The following THSD4 variants were observed in gnomAD, a reference collection of about 807,000 sequenced individuals.
The protein encoded by THSD4 is thrombospondin type-1 domain-containing protein 4.
Under a neutral mutation model 119.0 loss-of-function variants are expected in THSD4, and 69 were observed. That is an observed-to-expected ratio of 0.58 (90% confidence interval 0.48 to 0.71). The LOEUF is 0.71. Ranked by LOEUF, THSD4 falls within the 30% of genes least tolerant of loss-of-function variation. The probability of loss-of-function intolerance (pLI) is 0.00; values close to 1 mark genes in which losing one functional copy is unlikely to be tolerated. For missense variants in THSD4, 1,393 were observed against 1,391.1 expected (o/e 1.00, Z -0.02); for synonymous variants, 524 against 540.4 (o/e 0.97, Z 0.42).
chr15:71,585,382 G>A (rs748046328), intron 7 of THSD4, among the ~76,000 whole-genome samples: 16 of 152,120 alleles, frequency 1.1e-4, no homozygotes, highest in Non-Finnish European at 2.2e-4. Context: ...TGTTCCTTTC[G>A]GCACTCTGAA....
At chr15:71,195,164 C>T (rs77866116) in intron 3 of THSD4, among the ~76,000 whole-genome samples, 186 of 152,210 alleles carry the variant, frequency 1.2e-3, no homozygotes, top group African/African-American at 4.1e-3. Context: ...ACTCAGTCTA[C>T]GGGAGACATT....
chr15:71,505,454 A>G (rs2048172743), intron 7 of THSD4, among the ~76,000 whole-genome samples: 1 of 152,224 alleles, frequency 6.6e-6, no homozygotes, highest in African/African-American at 2.4e-5. Flanking sequence ...AAAATTAGAT[A>G]TAGAAAAGGA....
chr15:71,396,403 A>G (rs1185886052), intron 6 of THSD4, among the ~76,000 whole-genome samples: 1 of 152,160 alleles, frequency 6.6e-6, no homozygotes, highest in Non-Finnish European at 1.5e-5. Flanking sequence ...TATTGCCTGC[A>G]GAGGTGCTAC....
At chr15:71,216,880 C>T (rs577883045) in intron 4 of THSD4, among the ~76,000 whole-genome samples, 1 of 152,298 alleles carries the variant, frequency 6.6e-6, no homozygotes, top group Admixed American at 6.5e-5. Context: ...TCACTGCAGC[C>T]TCCAACTCCG....
chr15:71,553,919 T>G (rs1330273151), intron 7 of THSD4, among the ~76,000 whole-genome samples: 1 of 152,130 alleles, frequency 6.6e-6, no homozygotes, highest in East Asian at 1.9e-4. Flanking sequence ...ATTTGATTTA[T>G]AAATATTTTA....
chr15:71,705,196 T>C (rs944283436), intron 8 of THSD4, among the ~76,000 whole-genome samples: 1 of 152,112 alleles, frequency 6.6e-6, no homozygotes, highest in Non-Finnish European at 1.5e-5. Context: ...GCCAGAGGGA[T>C]GGGCACCCGG....
At position 71,440,300 on chromosome 15, in the gene THSD4, A is replaced by G. The variant is rs542943510; in HGVS notation, c.1152+28477A>G. On this transcript the variant is annotated intron_variant, in intron 7 of 17. Transcript: ENST00000261862. ...GTCTCCCTTGTGAGAGCTATGATGA[A>G]CTTCTTGTGGATGAAGGATTTTTAT... 4.6e-4 allele frequency among the ~76,000 whole-genome samples: 70 copies of G among 152,346 alleles called. 1 individual carries two copies. The South Asian group carries it at 0.014, about 30-fold the overall frequency.
At chr15:71,727,804 A>C (rs900035222) in intron 8 of THSD4, among the ~76,000 whole-genome samples, 1 of 150,562 alleles carries the variant, frequency 6.6e-6, no homozygotes, top group African/African-American at 2.4e-5. Context: ...GGGGAGAAAA[A>C]ATTGGATAAG....
At chr15:71,551,866 T>C (rs879867715) in intron 7 of THSD4, among the ~76,000 whole-genome samples, 2 of 152,146 alleles carry the variant, frequency 1.3e-5, no homozygotes, top group African/African-American at 4.8e-5. Flanking sequence ...CCATATTGTC[T>C]ATACAGTAGA....
At chr15:71,468,048 C>A (rs566804603) in intron 7 of THSD4, among the ~76,000 whole-genome samples, 1 of 152,090 alleles carries the variant, frequency 6.6e-6, no homozygotes, top group South Asian at 2.1e-4. Context: ...GAGGTTTCAT[C>A]ATGTTGGCCA....
intron 16 of THSD4, chr15:71,767,650 A>C (rs1294172327): frequency 6.6e-6 from 1 of 152,214 alleles, no homozygotes; most frequent in African/African-American, 2.4e-5. Context: ...TGTTGTCCTG[A>C]ATTTGAATTG....
intron 7 of THSD4, among the ~76,000 whole-genome samples, chr15:71,647,678 A>G (rs2050997800): frequency 6.6e-6 from 1 of 152,226 alleles, no homozygotes; most frequent in Non-Finnish European, 1.5e-5. Context: ...AATAGTTCCC[A>G]TTCCCAGGAT....
At chr15:71,560,808 A>G (rs1169465713) in intron 7 of THSD4, among the ~76,000 whole-genome samples, 2 of 152,162 alleles carry the variant, frequency 1.3e-5, no homozygotes, top group Non-Finnish European at 2.9e-5. Flanking sequence ...AGGAGTGACC[A>G]CTAAACTACA....
chr15:71,184,714 A>G (rs1165537856), intron 3 of THSD4, among the ~76,000 whole-genome samples: 1 of 151,760 alleles, frequency 6.6e-6, no homozygotes, highest in Non-Finnish European at 1.5e-5. Context: ...TGGTCTCTAG[A>G]AAGTGGCAGC....
chr15:71,773,200 C>G (rs973382538), intron 17 of THSD4, among the ~76,000 whole-genome samples: 1 of 54,064 alleles, frequency 1.8e-5, no homozygotes, highest in Non-Finnish European at 3.8e-5. Flanking sequence ...GACCATGTCT[C>G]AAAAAAAAAA....
Position 71,470,058 on chromosome 15 carries a change from A to G in THSD4, c.1152+58235A>G, listed in dbSNP as rs141722761. On this transcript the variant is annotated intron_variant, in intron 7 of 17. Coordinates refer to ENST00000261862, the MANE Select transcript of THSD4 (RefSeq NM_024817.3). ...GGAGCCGATTTATGCAAAGGTGTAA[A>G]GGCATGAAACAATCTCACATGTTCA... Among the ~76,000 whole-genome samples the G allele has an allele frequency of 1.6e-3, 240 of 152,360 alleles. 3 individuals carry two copies. Among genetic ancestry groups the G allele is most frequent in the African/African-American group, 4.9e-3 (205 of 41,596 alleles).
rs192914501 is a variant in THSD4 at position 71,721,879 on chromosome 15, A to G, written c.1358-6670A>G. On this transcript the variant is annotated intron_variant, in intron 8 of 17. Coordinates refer to ENST00000261862, the MANE Select transcript of THSD4 (RefSeq NM_024817.3). ...GTAATCCCAGCACTTGGGGAGGCCAAGGAAGGAGGATTCCTTGAGCCCAGG... is the reference window on the plus strand; with the variant it reads ...GTAATCCCAGCACTTGGGGAGGCCAGGGAAGGAGGATTCCTTGAGCCCAGG... 6.4e-4 allele frequency among the ~76,000 whole-genome samples: 98 copies of G among 152,032 alleles called. 1 individual carries two copies. The highest frequency in any genetic ancestry group is 1.3e-3 in the Non-Finnish European group (87 of 67,946).
At chr15:71,206,377 C>T (rs2140242928) in intron 3 of THSD4, among the ~76,000 whole-genome samples, 1 of 152,324 alleles carries the variant, frequency 6.6e-6, no homozygotes, top group South Asian at 2.1e-4. Flanking sequence ...CCAGGTTGTC[C>T]TAGCTGAGCA....
chr15:71,386,858 T>G (rs2046299626), intron 6 of THSD4, among the ~76,000 whole-genome samples: 1 of 152,238 alleles, frequency 6.6e-6, no homozygotes, highest in African/African-American at 2.4e-5. Flanking sequence ...GCCAGTTGTT[T>G]CCTTGTTTTA....
Sources: allele counts gnomAD v4.1 joint callset (sites outside exome capture counted in the v4.1 genomes callset), GRCh38; gene constraint gnomAD v4.1.1; transcripts MANE v1.5; gene names NCBI Gene and HGNC (gene_info 2026-07-23, HGNC 2026-07-21).